HIVEP2: variants seen among roughly 807,000 people sequenced by gnomAD.
HIVEP2 encodes the protein HIVEP zinc finger 2.
A neutral mutation model predicts 180.7 loss-of-function variants in HIVEP2; 14 were observed. The ratio of observed to expected loss-of-function variants is 0.08; its 90% CI spans 0.05 to 0.12. The LOEUF (loss-of-function observed/expected upper bound fraction) is 0.12, where lower values mean the gene tolerates loss of function less well. Among genes scored for constraint, HIVEP2 ranks in the 10% least tolerant of loss-of-function variants. The probability of loss-of-function intolerance (pLI) is 1.00; values close to 1 mark genes in which losing one functional copy is unlikely to be tolerated. For missense variants in HIVEP2, 2,579 were observed against 3,008.5 expected (o/e 0.86, Z 3.34); for synonymous variants, 1,184 against 1,136.4 (o/e 1.04, Z -0.84).
At chr6:142,909,100 C>T (rs1341087054) in intron 1 of HIVEP2, among the ~76,000 whole-genome samples, 5 of 152,122 alleles carry the variant, frequency 3.3e-5, no homozygotes, top group Non-Finnish European at 1.5e-5. Context: ...CTATATGGAG[C>T]CTGTGTGTCT....
rs774181665 is a variant in HIVEP2, at chr6:142,773,225, G to A, written c.1514C>T (p.Pro505Leu). The stretch of plus-strand genomic sequence containing the variant: ...CCTGATAGATGATGGAATAATCTGG[G>A]GTTGTCTGGACTCACTGTTGAACTT... The part of the protein sequence containing the change: ...STKFNSESRQ[P>L]QIIPSSIRNE... Residue 505 changes from proline (P) to leucine (L), a missense_variant, in exon 5 of 10, where the codon CCC (proline) becomes CTC (leucine). This residue lies in a region of HIVEP2 where 524 missense variants were observed against 563.6 expected (regional missense o/e 0.93). Transcript: ENST00000367603. 1 of 1,614,170 alleles carries A rather than the reference G, an allele frequency of 6.2e-7. No homozygotes were observed. Among genetic ancestry groups the A allele is most frequent in the Non-Finnish European group, 8.5e-7 (1 of 1,180,012 alleles).
chr6:142,772,689 C>T lies in HIVEP2; in HGVS notation c.2050G>A (p.Val684Ile), dbSNP rs554035648. The T allele has an allele frequency of 1.2e-6, 2 of 1,614,230 alleles. No homozygotes were observed. The highest frequency in any genetic ancestry group is 2.2e-5 in the East Asian group (1 of 44,880). The change falls in exon 5 of 10, where the codon GTA (valine) becomes ATA (isoleucine). Residue 684 changes from valine to isoleucine, a missense_variant. Val to Ile is a conservative substitution (Grantham distance 29, BLOSUM62 3). This residue lies in a region of HIVEP2 where 524 missense variants were observed against 563.6 expected (regional missense o/e 0.93). Transcript: ENST00000367603. This position sits in a 1 kb window ranked among gnomAD's most constrained non-coding sequence, Gnocchi z 4.9. ...CAGGTAGTTCCAAACATGCTTGGTA[C>T]TCCCTGCAATGGCACCACGGGATCC... ...FMDPVVPLQG[V>I]PSMFGTTCEN...
intron 3 of HIVEP2, among the ~76,000 whole-genome samples, chr6:142,776,801 A>G (rs994813752): frequency 5.3e-5 from 8 of 152,190 alleles, no homozygotes; most frequent in Admixed American, 2.0e-4. Context: ...CCAAAGCGTT[A>G]GGATTATAGG....
At chr6:142,882,218 A>C (rs1400091796) in intron 1 of HIVEP2, among the ~76,000 whole-genome samples, 1 of 152,240 alleles carries the variant, frequency 6.6e-6, no homozygotes, top group Non-Finnish European at 1.5e-5. Flanking sequence ...AGGTGACTAC[A>C]GTGAAGTATG....
chr6:142,876,239 A>C (rs924216977), intron 1 of HIVEP2, among the ~76,000 whole-genome samples: 4 of 152,124 alleles, frequency 2.6e-5, no homozygotes, highest in Non-Finnish European at 2.9e-5. Flanking sequence ...AGTAAAGATA[A>C]ATTTGAGGAG....
At chr6:142,820,745 G>A (rs1241554097) in intron 2 of HIVEP2, among the ~76,000 whole-genome samples, 1 of 151,100 alleles carries the variant, frequency 6.6e-6, no homozygotes. Context: ...ATAATGTACT[G>A]TGCATGCCTG....
chr6:142,800,825 G>A (rs1776386384), intron 2 of HIVEP2, among the ~76,000 whole-genome samples: 1 of 152,028 alleles, frequency 6.6e-6, no homozygotes, highest in South Asian at 2.1e-4. Flanking sequence ...CTCTCCCTAG[G>A]CTAATCCAAA....
chr6:142,778,975 T>TA (rs1249629350), intron 3 of HIVEP2, among the ~76,000 whole-genome samples: 1 of 152,118 alleles, frequency 6.6e-6, no homozygotes, highest in Non-Finnish European at 1.5e-5. Context: ...TTCCTAGAAA[T>TA]AAAAAAATCC....
chr6:142,758,888 A>G (rs1429980797), intron 9 of HIVEP2, among the ~76,000 whole-genome samples: 1 of 152,168 alleles, frequency 6.6e-6, no homozygotes, highest in African/African-American at 2.4e-5. Flanking sequence ...TGGCAAGAAA[A>G]GCAGACAGGC....
At chr6:142,900,601 A>G (rs916347654) in intron 1 of HIVEP2, among the ~76,000 whole-genome samples, 1 of 152,172 alleles carries the variant, frequency 6.6e-6, no homozygotes, top group African/African-American at 2.4e-5. Context: ...CAGAAAAGCA[A>G]TAACTATGTT....
chr6:142,823,452 T>C (rs1398698070), intron 2 of HIVEP2, among the ~76,000 whole-genome samples: 3 of 152,168 alleles, frequency 2.0e-5, no homozygotes, highest in Non-Finnish European at 2.9e-5. Flanking sequence ...GATTGTGACA[T>C]TGCAGTGTGG....
At position 142,760,267 on chromosome 6, in the gene HIVEP2, C is replaced by T. The variant is rs139323930; in HGVS notation, c.6021G>A (p.Thr2007=). The change falls in exon 9 of 10, where the codon ACG becomes ACA. Residue 2007 remains threonine (T), a synonymous_variant. Coordinates refer to ENST00000367603, the MANE Select transcript of HIVEP2 (RefSeq NM_006734.4). ...ATCTGTCTTTGTCTGGTTCTGAGTC[C>T]GTACTTTTGCTCTGGAATAGCCTCT... is the stretch of plus-strand genomic sequence containing the variant. ...EYQRLFQSKS[T]DSEPDKDRLD... The T allele has an allele frequency of 2.8e-5, 45 of 1,614,108 alleles. No homozygotes were observed. In the East Asian group the frequency reaches 3.1e-4, roughly 11 times the overall value.
intron 1 of HIVEP2, among the ~76,000 whole-genome samples, chr6:142,925,841 A>C (rs1266905779): frequency 1.3e-5 from 2 of 152,240 alleles, no homozygotes; most frequent in Non-Finnish European, 2.9e-5. Context: ...ATTTTCATTT[A>C]GTAAGTCCTT....
rs1301187531 is a variant in HIVEP2, at chr6:142,774,524, G to A, written c.215C>T (p.Pro72Leu). The change falls in exon 5 of 10, where the codon CCT becomes CTT. Residue 72 changes from proline (P) to leucine (L), a missense_variant. By Grantham distance (98) the Pro-to-Leu change is moderately conservative. Around this residue, in one of 11 missense-constraint regions of HIVEP2, gnomAD observed 207 missense variants for 210.1 expected, o/e 0.99. Transcript: ENST00000367603. The surrounding 1 kb of genome is among the most constrained non-coding windows in gnomAD (Gnocchi z 5.1). ...QLFGSGKLAS[P>L]SEVVQQVAEK... ...TGCGACTTGCTGCACCACTTCACTA[G>A]GGGAGGCCAGTTTCCCAGAACCAAA... 17 of 1,614,080 alleles carry A rather than the reference G, an allele frequency of 1.1e-5. No individual in the cohort carries two copies. Among genetic ancestry groups the A allele is most frequent in the Non-Finnish European group, 1.4e-5 (17 of 1,180,052 alleles).
chr6:142,925,393 G>C (rs1777781272), intron 1 of HIVEP2, among the ~76,000 whole-genome samples: 1 of 152,104 alleles, frequency 6.6e-6, no homozygotes, highest in Admixed American at 6.5e-5. Flanking sequence ...ATTTTCTTAA[G>C]TGGGCCACTA....
chr6:142,856,771 TAGAA>T (rs1313268025), intron 1 of HIVEP2, among the ~76,000 whole-genome samples: 18 of 152,188 alleles, frequency 1.2e-4, no homozygotes, highest in Admixed American at 1.2e-3. Flanking sequence ...TTTTTATCCT[TAGAA>T]AGATGACACA....
chr6:142,814,792 T>C (rs1454986567), intron 2 of HIVEP2, among the ~76,000 whole-genome samples: 1 of 152,204 alleles, frequency 6.6e-6, no homozygotes, highest in Non-Finnish European at 1.5e-5. Context: ...GAGCTTCTAC[T>C]ACAGAATAGT....
chr6:142,831,007 G>T (rs541103080), intron 2 of HIVEP2, among the ~76,000 whole-genome samples: 5 of 152,212 alleles, frequency 3.3e-5, no homozygotes, highest in Non-Finnish European at 5.9e-5. Flanking sequence ...ACACAAAGTA[G>T]GCAGGAGACC....
At chr6:142,831,153 T>C (rs1775069653) in intron 2 of HIVEP2, among the ~76,000 whole-genome samples, 2 of 151,928 alleles carry the variant, frequency 1.3e-5, no homozygotes, top group African/African-American at 4.8e-5. Context: ...GAAAAACAAT[T>C]TGAGTGGAAC....
Sources: allele counts gnomAD v4.1 joint callset (sites outside exome capture counted in the v4.1 genomes callset), GRCh38; gene constraint gnomAD v4.1.1; regional missense constraint gnomAD v4.1.1; non-coding constraint Gnocchi (gnomAD v3.1); transcripts MANE v1.5; gene names NCBI Gene and HGNC (gene_info 2026-07-23, HGNC 2026-07-21).